The following CELF2 variants were observed in gnomAD, a reference collection of about 807,000 sequenced individuals.
The protein encoded by CELF2 is CUGBP Elav-like family member 2, also known as CUG triplet repeat RNA-binding protein 2.
A neutral mutation model predicts 62.6 loss-of-function variants in CELF2; 8 were observed. The ratio of observed to expected loss-of-function variants is 0.13; its 90% CI spans 0.07 to 0.23. The LOEUF (loss-of-function observed/expected upper bound fraction) is 0.23, where lower values mean the gene tolerates loss of function less well. Among genes scored for constraint, CELF2 ranks in the 10% least tolerant of loss-of-function variants. The pLI, the probability that CELF2 is intolerant of heterozygous loss-of-function variation, is 1.00. For synonymous variants in CELF2, 258 were observed against 250.0 expected, an observed-to-expected ratio of 1.03 and a Z score of -0.30; for missense variants, 333 against 671.0, an observed-to-expected ratio of 0.50 and a Z score of 5.56.
At chr10:11,102,325 G>A (rs2051932538) in intron 1 of CELF2, 2 of 152,156 alleles carry the variant, frequency 1.3e-5, no homozygotes, top group Non-Finnish European at 1.5e-5. Flanking sequence ...AAAGAGAAAG[G>A]CATTAGCTGG....
chr10:10,501,916 C>T, the CELF2 span, among the ~76,000 whole-genome samples: 133 of 152,202 alleles, frequency 8.7e-4, no homozygotes, highest in African/African-American at 3.0e-3. Flanking sequence ...TTCTTTAATG[C>T]TTTTTAGCAA....
At chr10:10,733,893 T>C in the CELF2 span, among the ~76,000 whole-genome samples, 2 of 152,132 alleles carry the variant, frequency 1.3e-5, no homozygotes, top group Non-Finnish European at 2.9e-5. Context: ...GGCCTAACAC[T>C]TAAATTTAGC....
At chr10:10,732,651 G>A in the CELF2 span, among the ~76,000 whole-genome samples, 1 of 151,434 alleles carries the variant, frequency 6.6e-6, no homozygotes, top group African/African-American at 2.4e-5. Flanking sequence ...AGCCTCCCAA[G>A]TAGCTGGGAT....
chr10:10,752,212 T>G, the CELF2 span, among the ~76,000 whole-genome samples: 23 of 152,324 alleles, frequency 1.5e-4, no homozygotes, highest in Admixed American at 2.6e-4. Context: ...CCGTGGACAC[T>G]ACCTGGAGGG....
At chr10:10,699,799 G>A in the CELF2 span, among the ~76,000 whole-genome samples, 1 of 152,192 alleles carries the variant, frequency 6.6e-6, no homozygotes, top group African/African-American at 2.4e-5. Context: ...AACTACTTCT[G>A]GCTTTTCAGT....
At chr10:10,694,238 C>T in the CELF2 span, among the ~76,000 whole-genome samples, 2 of 152,080 alleles carry the variant, frequency 1.3e-5, no homozygotes, top group East Asian at 3.8e-4. Flanking sequence ...TTTCAAAGAA[C>T]ATTTTTATTT....
the CELF2 span, among the ~76,000 whole-genome samples, chr10:10,592,150 C>A: frequency 6.6e-6 from 1 of 152,090 alleles, no homozygotes; most frequent in Admixed American, 6.6e-5. Flanking sequence ...ATGAGAAATG[C>A]AATTTGCTTA....
chr10:11,329,356 CT>C lies in CELF2; in HGVS notation c.*311del, dbSNP rs991502728. 5.5e-5 allele frequency: 10 copies of C among 182,344 alleles called. No individual in the cohort carries two copies. The highest frequency in any genetic ancestry group is 1.1e-4 in the Non-Finnish European group (10 of 88,124). The allele number at this position is 182,344 out of a possible 1,614,324, so 11.3% of individuals were successfully genotyped here. The stretch of plus-strand genomic sequence containing the variant: ...TTTTTTTTAATTTTTTTCATTTTTG[CT>C]TTTTTTTAAAGAGAAGCATATACAC... On this transcript the variant is annotated 3_prime_UTR_variant, in exon 13 of 13. Coordinates refer to ENST00000633077, the MANE Select transcript of CELF2 (RefSeq NM_001326342.2). The surrounding 1 kb of genome is among the most constrained non-coding windows in gnomAD (Gnocchi z 5.5).
the CELF2 span, among the ~76,000 whole-genome samples, chr10:10,728,800 T>G: frequency 6.6e-6 from 1 of 152,196 alleles, no homozygotes; most frequent in Non-Finnish European, 1.5e-5. Flanking sequence ...AAAGGTAGAT[T>G]TCTTTCTCTC....
the CELF2 span, among the ~76,000 whole-genome samples, chr10:10,780,999 T>G: frequency 2.6e-5 from 4 of 152,192 alleles, no homozygotes; most frequent in Non-Finnish European, 4.4e-5. Context: ...AACATTCTAC[T>G]CTTTTTGAGT....
intron 1 of CELF2, among the ~76,000 whole-genome samples, chr10:11,083,934 C>G (rs1225946374): frequency 6.6e-6 from 1 of 152,196 alleles, no homozygotes; most frequent in Non-Finnish European, 1.5e-5. Context: ...CCAGTCTCAG[C>G]AACCACAGCA....
intron 8 of CELF2, among the ~76,000 whole-genome samples, chr10:11,278,169 T>A (rs2086842379): frequency 1.3e-5 from 2 of 152,216 alleles, no homozygotes; most frequent in African/African-American, 4.8e-5. Context: ...TGTATAAAAT[T>A]GAATGAGACG....
At chr10:11,162,900 A>T (rs895373632) in intron 1 of CELF2, among the ~76,000 whole-genome samples, 10 of 152,180 alleles carry the variant, frequency 6.6e-5, no homozygotes, top group African/African-American at 2.2e-4. Flanking sequence ...TACAGATAAG[A>T]GTCTGAAGCC....
At chr10:10,721,844 T>A in the CELF2 span, among the ~76,000 whole-genome samples, 1 of 152,220 alleles carries the variant, frequency 6.6e-6, no homozygotes, top group Non-Finnish European at 1.5e-5. Flanking sequence ...CATCTCTGGA[T>A]AGATCCCAGA....
rs71866142 is a variant in CELF2, at chr10:11,285,877, GTTTT to G, written c.842-2539_842-2536del. Among the ~76,000 whole-genome samples the G allele has an allele frequency of 1.9e-5, 2 of 107,382 alleles. No homozygotes were observed. Among genetic ancestry groups the G allele is most frequent in the Non-Finnish European group, 3.5e-5 (2 of 57,088 alleles). The allele number at this position is 107,382 out of a possible 152,430, so 70.4% of individuals were successfully genotyped here. On this transcript the variant is annotated intron_variant, in intron 8 of 12. Coordinates refer to ENST00000633077, the MANE Select transcript of CELF2 (RefSeq NM_001326342.2). The surrounding 1 kb of genome is among the most constrained non-coding windows in gnomAD (Gnocchi z 4.3). Reference sequence around the variant, plus strand: ...TGTGTGTGTGTGTGTGTGTGTGTGTGTTTTTACATGGACTTGAAAATGAGTAAGA... The same window carrying G: ...TGTGTGTGTGTGTGTGTGTGTGTGTGTACATGGACTTGAAAATGAGTAAGA...
the CELF2 span, among the ~76,000 whole-genome samples, chr10:10,474,722 T>A: frequency 6.6e-6 from 1 of 152,088 alleles, no homozygotes; most frequent in East Asian, 1.9e-4. Flanking sequence ...GGAGAGGAAG[T>A]CACCAGTAAG....
At chr10:10,605,416 C>A in the CELF2 span, among the ~76,000 whole-genome samples, 4 of 152,176 alleles carry the variant, frequency 2.6e-5, no homozygotes, top group Non-Finnish European at 5.9e-5. Flanking sequence ...TGCACGAGTA[C>A]CCTGAAACTT....
At position 11,227,221 on chromosome 10, in the gene CELF2, G is replaced by A. The variant is rs1307172160; in HGVS notation, c.354+9714G>A. 1.3e-5 allele frequency among the ~76,000 whole-genome samples: 2 copies of A among 152,192 alleles called. No homozygotes were observed. The highest frequency in any genetic ancestry group is 4.8e-5 in the African/African-American group (2 of 41,446). ...TCCTGGAGGCCTTTAGAAAGGAACT[G>A]TTCTACCCTGTTGTTTTACTAATGA... On this transcript the variant is annotated intron_variant, in intron 3 of 12. Coordinates refer to ENST00000633077, the MANE Select transcript of CELF2 (RefSeq NM_001326342.2). This position sits in a 1 kb window ranked among gnomAD's most constrained non-coding sequence, Gnocchi z 4.8.
intron 1 of CELF2, among the ~76,000 whole-genome samples, chr10:11,099,426 ATT>A (rs2050820550): frequency 6.6e-6 from 1 of 152,158 alleles, no homozygotes; most frequent in Admixed American, 6.5e-5. Context: ...TCCAGATTTT[ATT>A]TCTCATTTAA....
Sources: allele counts gnomAD v4.1 joint callset (sites outside exome capture counted in the v4.1 genomes callset), GRCh38; gene constraint gnomAD v4.1.1; non-coding constraint Gnocchi (gnomAD v3.1); transcripts MANE v1.5; gene names NCBI Gene and HGNC (gene_info 2026-07-23, HGNC 2026-07-21).